PTPRN2: variants seen among roughly 807,000 people sequenced by gnomAD.
PTPRN2 encodes the protein receptor-type tyrosine-protein phosphatase N2.
In PTPRN2, 74 loss-of-function variants were observed where a neutral mutation model predicts 118.8. That is an observed-to-expected ratio of 0.62 (90% CI 0.52 to 0.76). The LOEUF is 0.76. PTPRN2 is among the 30% of genes least tolerant of loss of function. The pLI, the probability that PTPRN2 is intolerant of heterozygous loss-of-function variation, is 0.00. For synonymous variants in PTPRN2, 641 were observed against 608.0 expected (o/e 1.05, Z -0.80); for missense variants, 1,481 against 1,394.4 (o/e 1.06, Z -0.99).
chr7:158,508,319 C>T (rs890837997), intron 1 of PTPRN2, among the ~76,000 whole-genome samples: 1 of 152,182 alleles, frequency 6.6e-6, no homozygotes, highest in African/African-American at 2.4e-5. Context: ...TCAGCGGGGG[C>T]TTCCACAGGC....
At chr7:158,373,455 A>T (rs1810261898) in intron 2 of PTPRN2, among the ~76,000 whole-genome samples, 1 of 152,204 alleles carries the variant, frequency 6.6e-6, no homozygotes, top group Non-Finnish European at 1.5e-5. Flanking sequence ...AAAGAAAGAA[A>T]TATTTCTTTT....
intron 1 of PTPRN2, among the ~76,000 whole-genome samples, chr7:158,494,512 C>T (rs992838657): frequency 2.6e-5 from 4 of 152,218 alleles, no homozygotes; most frequent in African/African-American, 9.6e-5. Context: ...GGTTCCTGGA[C>T]AGCAGGCTCA....
intron 8 of PTPRN2, among the ~76,000 whole-genome samples, chr7:158,134,441 C>T (rs932666748): frequency 6.6e-6 from 1 of 151,878 alleles, no homozygotes; most frequent in South Asian, 2.1e-4. Flanking sequence ...GCAATGAACA[C>T]TAAATAATAA....
chr7:158,573,475 G>A (rs1396932602), intron 1 of PTPRN2, among the ~76,000 whole-genome samples: 1 of 152,152 alleles, frequency 6.6e-6, no homozygotes, highest in East Asian at 1.9e-4. Flanking sequence ...GCGGTCTGGA[G>A]GAGTGACCAC....
At chr7:158,064,045 C>A (rs569297228) in intron 11 of PTPRN2, among the ~76,000 whole-genome samples, 1 of 152,292 alleles carries the variant, frequency 6.6e-6, no homozygotes, top group African/African-American at 2.4e-5. Context: ...CAGTGAGATA[C>A]CACAATTCCA....
chr7:157,595,197 C>A (rs146321158), intron 17 of PTPRN2, 41 bp downstream of exon 17: 1 of 1,589,770 alleles, frequency 6.3e-7, no homozygotes, highest in African/African-American at 1.3e-5. Flanking sequence ...TTATTGAGAT[C>A]TTCTTTTCAG....
rs568746687 is a variant in PTPRN2 at position 158,017,671 on chromosome 7, C to T, written c.1723+63627G>A. ...GCTGGGAACAGGAGGGAATGACTGACTCCCCAGCAGCAGCCCACGTGGGGA... is the reference window on the plus strand; with the variant it reads ...GCTGGGAACAGGAGGGAATGACTGATTCCCCAGCAGCAGCCCACGTGGGGA... On this transcript the variant is annotated intron_variant, in intron 11 of 22. Transcript: ENST00000389418. 5.9e-5 allele frequency among the ~76,000 whole-genome samples: 9 copies of T among 152,282 alleles called. No individual in the cohort carries two copies. In the South Asian group the frequency reaches 6.2e-4, roughly 11 times the overall value.
At chr7:158,446,802 G>A (rs944218476) in intron 2 of PTPRN2, among the ~76,000 whole-genome samples, 2 of 152,216 alleles carry the variant, frequency 1.3e-5, no homozygotes, top group Admixed American at 6.5e-5. Flanking sequence ...CATCAGGCAC[G>A]CTGGGCTGTC....
At chr7:157,994,519 C>T (rs568012195) in intron 11 of PTPRN2, among the ~76,000 whole-genome samples, 43 of 149,498 alleles carry the variant, frequency 2.9e-4, no homozygotes, top group African/African-American at 9.1e-4. Context: ...ATCAGCACCG[C>T]ATCCCCAGCT....
chr7:158,056,794 C>CT (rs1809826620), intron 11 of PTPRN2, among the ~76,000 whole-genome samples: 2 of 152,180 alleles, frequency 1.3e-5, no homozygotes, highest in Non-Finnish European at 2.9e-5. Context: ...CATTGACCCC[C>CT]TTGGAGTCCT....
At chr7:158,550,724 A>AT (rs1826594107) in intron 1 of PTPRN2, among the ~76,000 whole-genome samples, 1 of 152,048 alleles carries the variant, frequency 6.6e-6, no homozygotes, top group African/African-American at 2.4e-5. Flanking sequence ...TGTCTAATCT[A>AT]TTTCTCTCAT....
At chr7:157,734,332 T>A (rs534954975) in intron 12 of PTPRN2, among the ~76,000 whole-genome samples, 1 of 150,514 alleles carries the variant, frequency 6.6e-6, no homozygotes, top group Admixed American at 6.9e-5. Flanking sequence ...CCCAGCGCAG[T>A]TACTCTTTTC....
At chr7:158,314,584 G>A (rs531757291) in intron 3 of PTPRN2, among the ~76,000 whole-genome samples, 1 of 152,266 alleles carries the variant, frequency 6.6e-6, no homozygotes, top group Non-Finnish European at 1.5e-5. Context: ...AGCCGCCCTG[G>A]AGGCTCCCGT....
chr7:157,545,684 G>A (rs905924125), intron 22 of PTPRN2, among the ~76,000 whole-genome samples: 1 of 152,046 alleles, frequency 6.6e-6, no homozygotes, highest in African/African-American at 2.4e-5. Context: ...TTTTCTATTC[G>A]ACCCAAATTC....
chr7:158,275,194 TGTGGGGACA>T (rs201052977), intron 3 of PTPRN2, among the ~76,000 whole-genome samples: 3,368 of 152,308 alleles, frequency 0.022, 141 homozygotes, highest in African/African-American at 0.077. Context: ...GCACCGTGGC[TGTGGGGACA>T]GTGGGGACAG....
At chr7:158,117,383 A>T (rs1184475443) in intron 9 of PTPRN2, among the ~76,000 whole-genome samples, 6 of 152,148 alleles carry the variant, frequency 3.9e-5, no homozygotes, top group Non-Finnish European at 8.8e-5. Flanking sequence ...ATAGAAAAAA[A>T]GATTGAAGAA....
At chr7:157,778,687 A>G (rs116383613) in intron 12 of PTPRN2, among the ~76,000 whole-genome samples, 3 of 151,298 alleles carry the variant, frequency 2.0e-5, no homozygotes, top group African/African-American at 7.3e-5. Flanking sequence ...GTCCATGTGA[A>G]TACATGCACT....
At chr7:157,775,070 C>A (rs781572704) in intron 12 of PTPRN2, among the ~76,000 whole-genome samples, 99 of 152,188 alleles carry the variant, frequency 6.5e-4, no homozygotes, top group Non-Finnish European at 8.8e-4. Context: ...AAAACGTCCA[C>A]ATGCCAGGGA....
At chr7:158,244,837 A>ATGTGTG (rs751380143) in intron 3 of PTPRN2, among the ~76,000 whole-genome samples, 4 of 151,250 alleles carry the variant, frequency 2.6e-5, no homozygotes, top group African/African-American at 4.9e-5. Context: ...AGTTGTGCAC[A>ATGTGTG]TGTGAGTGTA....
Sources: gnomAD v4.1 joint callset for allele counts (sites outside exome capture counted in the v4.1 genomes callset) on GRCh38, gnomAD v4.1.1 for gene constraint, MANE v1.5 for transcripts, NCBI Gene and HGNC (gene_info 2026-07-23, HGNC 2026-07-21) for gene names.